The following EYS variants were observed in gnomAD, a reference collection of about 807,000 sequenced individuals.
The protein encoded by EYS is EGF-like photoreceptor maintenance factor, also known as protein eyes shut homolog.
A neutral mutation model predicts 282.1 loss-of-function variants in EYS; 250 were observed. The ratio of observed to expected loss-of-function variants is 0.89; its 90% CI spans 0.80 to 0.98. The LOEUF (loss-of-function observed/expected upper bound fraction) is 0.98, where lower values mean the gene tolerates loss of function less well. Among genes scored for constraint, EYS ranks in the 50% least tolerant of loss-of-function variants. The probability of loss-of-function intolerance (pLI) is 0.00; values close to 1 mark genes in which losing one functional copy is unlikely to be tolerated. For synonymous variants in EYS, 1,355 were observed against 1,282.9 expected (o/e 1.06, Z -1.20); for missense variants, 4,016 against 3,709.0 (o/e 1.08, Z -2.15).
intron 33 of EYS, among the ~76,000 whole-genome samples, chr6:64,049,346 T>C (rs950568074): frequency 6.6e-6 from 1 of 152,202 alleles, no homozygotes; most frequent in Non-Finnish European, 1.5e-5. Context: ...TCTGTTTAAA[T>C]TGCAAAATAA....
intron 22 of EYS, among the ~76,000 whole-genome samples, chr6:64,674,776 A>G (rs1769594387): frequency 6.6e-6 from 1 of 151,664 alleles, no homozygotes; most frequent in African/African-American, 2.4e-5. Context: ...ACACACACAC[A>G]CACATATATA....
At chr6:64,788,620 C>T (rs1245965039) in intron 22 of EYS, among the ~76,000 whole-genome samples, 4 of 152,216 alleles carry the variant, frequency 2.6e-5, no homozygotes, top group East Asian at 1.9e-4. Context: ...AGTGACTTCC[C>T]GTTTCAGCTC....
At chr6:64,319,296 T>C (rs562446427) in intron 29 of EYS, among the ~76,000 whole-genome samples, 1 of 152,178 alleles carries the variant, frequency 6.6e-6, no homozygotes, top group African/African-American at 2.4e-5. Flanking sequence ...TTTTGAAATC[T>C]ATCTTTTTAG....
chr6:63,853,633 C>T (rs1772317443), intron 36 of EYS, among the ~76,000 whole-genome samples: 1 of 152,168 alleles, frequency 6.6e-6, no homozygotes. Flanking sequence ...GAAAAACCTA[C>T]TTTAAATTTC....
At chr6:65,524,221 C>G (rs568704497) in intron 2 of EYS, among the ~76,000 whole-genome samples, 1 of 149,996 alleles carries the variant, frequency 6.7e-6, no homozygotes, top group Admixed American at 6.7e-5. Flanking sequence ...CTGGCCTGCA[C>G]AGTAACTCTC....
intron 30 of EYS, among the ~76,000 whole-genome samples, chr6:64,284,216 G>A (rs1358983333): frequency 9.9e-5 from 15 of 152,136 alleles, no homozygotes; most frequent in Admixed American, 9.8e-4. Flanking sequence ...GGTTCAATGG[G>A]GGTACAGGTA....
intron 37 of EYS, among the ~76,000 whole-genome samples, 172 bp downstream of exon 37, chr6:63,806,018 G>A (rs1770896497): frequency 6.6e-6 from 1 of 152,150 alleles, no homozygotes; most frequent in Admixed American, 6.5e-5. Flanking sequence ...AAGGATCAGG[G>A]AACTGCTAAG....
chr6:64,106,971 G>A (rs114443515), intron 31 of EYS, among the ~76,000 whole-genome samples: 3 of 151,030 alleles, frequency 2.0e-5, no homozygotes, highest in Admixed American at 2.0e-4. Flanking sequence ...GCCCATAATG[G>A]CATCTTTCAT....
At chr6:64,975,237 T>A (rs1352519089) in intron 14 of EYS, among the ~76,000 whole-genome samples, 1 of 151,786 alleles carries the variant, frequency 6.6e-6, no homozygotes, top group African/African-American at 2.4e-5. Flanking sequence ...AAAACGATAA[T>A]TTTGTTTTTG....
At chr6:64,061,901 A>T (rs1439403384) in intron 33 of EYS, among the ~76,000 whole-genome samples, 1 of 151,920 alleles carries the variant, frequency 6.6e-6, no homozygotes, top group African/African-American at 2.4e-5. Flanking sequence ...GAGGCAGGAG[A>T]ATCACTTGAA....
intron 12 of EYS, among the ~76,000 whole-genome samples, chr6:65,218,881 A>C (rs1248660846): frequency 1.3e-5 from 2 of 152,096 alleles, no homozygotes; most frequent in Admixed American, 1.3e-4. Flanking sequence ...AGGGTAGAAA[A>C]ATCTTGCAAA....
intron 29 of EYS, among the ~76,000 whole-genome samples, chr6:64,387,163 A>G (rs1000668230): frequency 4.6e-5 from 7 of 152,050 alleles, no homozygotes; most frequent in Non-Finnish European, 1.0e-4. Flanking sequence ...AGACCTTTCC[A>G]TTACCTAAGT....
chr6:64,974,718 T>C (rs1329720480), intron 14 of EYS, among the ~76,000 whole-genome samples: 4 of 151,914 alleles, frequency 2.6e-5, no homozygotes. Flanking sequence ...AAGTTTTCCA[T>C]AATTTATGAG....
chr6:65,127,344 T>C lies in EYS; in HGVS notation c.2024-69617A>G, dbSNP rs531620970. ...ACATATAAAAATAAAATTAAGACTT[T>C]ACATAACACCCACCTTTAATCAACG... On this transcript the variant is annotated intron_variant, in intron 12 of 42. Transcript: ENST00000503581. Among the ~76,000 whole-genome samples, 4 of 152,246 alleles carry C rather than the reference T, an allele frequency of 2.6e-5. No homozygotes were observed. The South Asian group carries it at 8.3e-4, about 32-fold the overall frequency.
At chr6:65,229,659 T>C (rs1490292870) in intron 12 of EYS, among the ~76,000 whole-genome samples, 1 of 151,792 alleles carries the variant, frequency 6.6e-6, no homozygotes, top group Admixed American at 6.6e-5. Flanking sequence ...GATAGTGAGT[T>C]TATACTCTTT....
chr6:65,371,745 G>C (rs892089876), intron 8 of EYS, among the ~76,000 whole-genome samples: 9 of 80,340 alleles, frequency 1.1e-4, no homozygotes, highest in South Asian at 1.0e-3. Context: ...CTCTCTCTGT[G>C]TGTGTGTGTG....
At chr6:65,166,237 G>A (rs1478664993) in intron 12 of EYS, among the ~76,000 whole-genome samples, 1 of 151,056 alleles carries the variant, frequency 6.6e-6, no homozygotes, top group Admixed American at 6.6e-5. Flanking sequence ...AAGCTGATTT[G>A]AAAATGTTTG....
intron 1 of EYS, among the ~76,000 whole-genome samples, chr6:65,653,043 A>C (rs1227611915): frequency 6.6e-6 from 1 of 151,980 alleles, no homozygotes; most frequent in Non-Finnish European, 1.5e-5. Context: ...AACAGGCAGA[A>C]GCTACAATCA....
intron 31 of EYS, among the ~76,000 whole-genome samples, chr6:64,133,322 C>A (rs1774046698): frequency 6.6e-6 from 1 of 151,910 alleles, no homozygotes; most frequent in Non-Finnish European, 1.5e-5. Context: ...TAGACGTTCC[C>A]ATATCTCAGG....
Sources: allele counts gnomAD v4.1 joint callset (sites outside exome capture counted in the v4.1 genomes callset), GRCh38; gene constraint gnomAD v4.1.1; transcripts MANE v1.5; gene names NCBI Gene and HGNC (gene_info 2026-07-23, HGNC 2026-07-21).